IGF2BP3: variants seen among roughly 807,000 people sequenced by gnomAD.
IGF2BP3 encodes the protein insulin like growth factor 2 mRNA binding protein 3, also known as insulin-like growth factor 2 mRNA-binding protein 3.
In IGF2BP3, 9 loss-of-function variants were observed where a neutral mutation model predicts 73.8. That is an observed-to-expected ratio of 0.12 (90% confidence interval 0.07 to 0.21). The LOEUF (loss-of-function observed/expected upper bound fraction) is 0.21, where lower values mean the gene tolerates loss of function less well. IGF2BP3 is among the 10% of genes least tolerant of loss of function. The pLI is 1.00. For synonymous variants in IGF2BP3, 258 were observed against 256.7 expected (o/e 1.01, Z -0.05); for missense variants, 542 against 714.0 (o/e 0.76, Z 2.75).
chr7:23,379,860 T>C (rs1785850461), intron 3 of IGF2BP3, among the ~76,000 whole-genome samples: 1 of 152,186 alleles, frequency 6.6e-6, no homozygotes, highest in Non-Finnish European at 1.5e-5. Flanking sequence ...CTACAAAATA[T>C]ACATCCATGC....
chr7:23,406,214 G>A (rs937006536), intron 3 of IGF2BP3, among the ~76,000 whole-genome samples: 2 of 152,092 alleles, frequency 1.3e-5, no homozygotes, highest in African/African-American at 2.4e-5. Flanking sequence ...CTTCTTTTCC[G>A]TCTGTTTGCC....
chr7:23,333,164 A>C (rs545784869), intron 10 of IGF2BP3, among the ~76,000 whole-genome samples: 44 of 152,376 alleles, frequency 2.9e-4, no homozygotes, highest in Non-Finnish European at 5.6e-4. Flanking sequence ...TGAACACTCA[A>C]GATAAGATGA....
At chr7:23,456,322 C>A (rs769476949) in intron 2 of IGF2BP3, among the ~76,000 whole-genome samples, 10 of 151,862 alleles carry the variant, frequency 6.6e-5, no homozygotes, top group Non-Finnish European at 1.3e-4. Context: ...TAACTAGATT[C>A]TCTCATTATC....
chr7:23,361,449 C>T (rs530461038), intron 5 of IGF2BP3, 85 bp downstream of exon 5: 6 of 1,046,128 alleles, frequency 5.7e-6, no homozygotes, highest in South Asian at 2.8e-5. Context: ...CACCTACCAG[C>T]CCTTCTCAGT....
chr7:23,408,793 A>G (rs1448764792), intron 3 of IGF2BP3, among the ~76,000 whole-genome samples: 8 of 152,348 alleles, frequency 5.3e-5, no homozygotes, highest in Middle Eastern at 3.4e-3. Flanking sequence ...GCCAAAAGGT[A>G]GAAGCAATCC....
At chr7:23,444,742 CAAAAAAA>C (rs56029431) in intron 2 of IGF2BP3, among the ~76,000 whole-genome samples, 6 of 82,896 alleles carry the variant, frequency 7.2e-5, no homozygotes, top group African/African-American at 1.8e-4. Context: ...GACTCTGTCT[CAAAAAAA>C]AAAAAAAAAA....
intron 3 of IGF2BP3, among the ~76,000 whole-genome samples, chr7:23,393,208 G>A (rs1197810229): frequency 2.0e-5 from 3 of 152,130 alleles, no homozygotes; most frequent in Admixed American, 2.0e-4. Context: ...CCTCACCAAT[G>A]TTCACTCAGA....
At chr7:23,352,930 TTTTGC>T (rs1466057265) in intron 5 of IGF2BP3, among the ~76,000 whole-genome samples, 1 of 152,208 alleles carries the variant, frequency 6.6e-6, no homozygotes, top group Non-Finnish European at 1.5e-5. Context: ...TGTTTGTTTG[TTTTGC>T]TTTGTTTTGT....
intron 10 of IGF2BP3, 37 bp downstream of exon 10, chr7:23,342,027 G>A: frequency 6.6e-7 from 1 of 1,515,402 alleles, no homozygotes; most frequent in South Asian, 1.3e-5. Flanking sequence ...TTAAGATTTT[G>A]CCCAATCACA....
chr7:23,318,024 T>C (rs1028675561), intron 11 of IGF2BP3, among the ~76,000 whole-genome samples: 3 of 152,082 alleles, frequency 2.0e-5, no homozygotes, highest in South Asian at 2.1e-4. Context: ...GCTGGAGAAA[T>C]TGAGTTATCT....
At chr7:23,339,627 G>A (rs944724298) in intron 10 of IGF2BP3, among the ~76,000 whole-genome samples, 1 of 152,130 alleles carries the variant, frequency 6.6e-6, no homozygotes, top group African/African-American at 2.4e-5. Context: ...CACCAGTATA[G>A]AGAGAAAAAA....
At chr7:23,371,204 A>G (rs1420846568) in intron 3 of IGF2BP3, among the ~76,000 whole-genome samples, 4 of 151,946 alleles carry the variant, frequency 2.6e-5, no homozygotes, top group Non-Finnish European at 4.4e-5. Context: ...AGCCAATGTC[A>G]GTCATTGGGG....
intron 2 of IGF2BP3, among the ~76,000 whole-genome samples, chr7:23,424,376 TA>T (rs1384693929): frequency 6.6e-6 from 1 of 150,814 alleles, no homozygotes; most frequent in African/African-American, 2.4e-5. Flanking sequence ...CAGGCACCTG[TA>T]ATCTCAGCTA....
chr7:23,387,510 A>T (rs1030443634), intron 3 of IGF2BP3, among the ~76,000 whole-genome samples: 2 of 148,220 alleles, frequency 1.3e-5, no homozygotes, highest in Admixed American at 6.6e-5. Context: ...TGGTTCTTTA[A>T]TTGTGACAAA....
chr7:23,323,623 T>A (rs1262974927), intron 10 of IGF2BP3, among the ~76,000 whole-genome samples: 3 of 151,592 alleles, frequency 2.0e-5, no homozygotes, highest in Admixed American at 1.3e-4. Context: ...ATACATTTTT[T>A]TCAGCACCAC....
chr7:23,355,146 G>A (rs188852014), intron 5 of IGF2BP3, among the ~76,000 whole-genome samples: 48 of 152,084 alleles, frequency 3.2e-4, no homozygotes, highest in Non-Finnish European at 4.9e-4. Context: ...TGACACATAT[G>A]TATTCAGTTA....
Position 23,470,121 on chromosome 7 carries a change from GGTT to G in IGF2BP3, c.-14_-12del, listed in dbSNP as rs768506515. 5 of 1,579,842 alleles carry G rather than the reference GGTT, an allele frequency of 3.2e-6. No homozygotes were observed. The African/African-American group carries it at 6.8e-5, about 22-fold the overall frequency. On this transcript the variant is annotated 5_prime_UTR_variant, in exon 1 of 15. Coordinates refer to ENST00000258729, the MANE Select transcript of IGF2BP3 (RefSeq NM_006547.3). ...ATACAGTTTGTTCATTGTGAAGAGT[GGTT>G]GTTTAAAAAAAAATAACGAGAAAAA...
At chr7:23,386,609 G>A (rs1206213527) in intron 3 of IGF2BP3, among the ~76,000 whole-genome samples, 2 of 152,222 alleles carry the variant, frequency 1.3e-5, no homozygotes, top group African/African-American at 4.8e-5. Context: ...AGGGAAGATT[G>A]AACAGATCTC....
rs575532871 is a variant in IGF2BP3, at chr7:23,423,738, C to G, written c.237-4914G>C. Among the ~76,000 whole-genome samples the G allele has an allele frequency of 2.0e-5, 3 of 151,142 alleles. No homozygotes were observed. The East Asian group carries it at 5.8e-4, about 29-fold the overall frequency. ...ATTTCCTTATAGCTTATAAAGGGAC[C>G]GAGAAAAACAACTGCCACACATTTT... is the stretch of plus-strand genomic sequence containing the variant. On this transcript the variant is annotated intron_variant, in intron 2 of 14. Transcript: ENST00000258729.
Sources: gnomAD v4.1 joint callset for allele counts (sites outside exome capture counted in the v4.1 genomes callset) on GRCh38, gnomAD v4.1.1 for gene constraint, MANE v1.5 for transcripts, NCBI Gene and HGNC (gene_info 2026-07-23, HGNC 2026-07-21) for gene names.